Variants in GPI observed in about 807,000 individuals in gnomAD.
GPI encodes glucose-6-phosphate isomerase, also known as D-hexose-6-phosphate anomerase.
In GPI, 56 loss-of-function variants were observed where a neutral mutation model predicts 75.8. That is an observed-to-expected ratio of 0.74 (90% CI 0.60 to 0.92). The LOEUF (loss-of-function observed/expected upper bound fraction) is 0.92. Ranked by LOEUF, GPI falls within the 40% of genes least tolerant of loss-of-function variation. The pLI is 0.00. For missense variants in GPI, 638 were observed against 741.0 expected, an observed-to-expected ratio of 0.86 and a Z score of 1.61; for synonymous variants, 288 against 285.4, an observed-to-expected ratio of 1.01 and a Z score of -0.09.
chr19:34,371,776 AC>A (rs1335247854), intron 4 of GPI, among the ~76,000 whole-genome samples: 1 of 150,090 alleles, frequency 6.7e-6, no homozygotes, highest in Non-Finnish European at 1.5e-5. Flanking sequence ...AATCACTTGA[AC>A]CCCAGAGGTG....
chr19:34,399,061 C>T (rs897900243), intron 14 of GPI, 146 bp from the exon 15 acceptor site: 12 of 644,068 alleles, frequency 1.9e-5, no homozygotes, highest in African/African-American at 1.8e-5. Context: ...GTGGTGTCAT[C>T]GGATGTGTCC....
rs1170745718 is a variant in GPI at position 34,365,534 on chromosome 19, C to T, written c.122+146C>T. On this transcript the variant is annotated intron_variant, in intron 1 of 17. Coordinates refer to ENST00000356487, the MANE Select transcript of GPI (RefSeq NM_000175.5). ...CGGACTGGGGCCCAGGCCGAGTCCGCACTTCGTCCTTGGAGTCTCCTTGGA... is the reference window on the plus strand; with the variant it reads ...CGGACTGGGGCCCAGGCCGAGTCCGTACTTCGTCCTTGGAGTCTCCTTGGA... 4 of 1,305,702 alleles carry T rather than the reference C, an allele frequency of 3.1e-6. No individual in the cohort carries two copies. The African/African-American group carries it at 5.9e-5, about 19-fold the overall frequency. The allele number at this position is 1,305,702 out of a possible 1,614,324, so 80.9% of individuals were successfully genotyped here. A position where few individuals can be genotyped will look rare whatever the true frequency, so the allele number is the denominator to read the frequency against.
Position 34,393,309 on chromosome 19 carries a change from G to T in GPI, c.865+1G>T. 1 of 1,611,150 alleles carries T rather than the reference G, an allele frequency of 6.2e-7. No individual in the cohort carries two copies. The highest frequency in any genetic ancestry group is 8.5e-7 in the Non-Finnish European group (1 of 1,177,258). ...GGACTCTCCATTGCCCTGCACGTGG[G>T]TGAGTGTGTTTCTGTGTCTTGCAGC... is the stretch of plus-strand genomic sequence containing the variant. On this transcript the variant is annotated splice_donor_variant, in intron 10 of 17. Transcript: ENST00000356487. LOFTEE classifies it high-confidence loss of function. The surrounding 1 kb of genome is among the most constrained non-coding windows in gnomAD (Gnocchi z 4.4).
intron 14 of GPI, among the ~76,000 whole-genome samples, 174 bp downstream of exon 14, chr19:34,396,831 G>A (rs986467934): frequency 5.3e-5 from 8 of 152,114 alleles, no homozygotes; most frequent in Non-Finnish European, 1.0e-4. Context: ...GGGGAGGGGG[G>A]ACAGAGTCTT....
chr19:34,361,371 C>T (rs1052977940), upstream of GPI, among the ~76,000 whole-genome samples: 5 of 152,028 alleles, frequency 3.3e-5, no homozygotes, highest in African/African-American at 4.8e-5. Flanking sequence ...GGATTACAGG[C>T]GTGAGCCACC....
At position 34,399,235 on chromosome 19, in the gene GPI, CAG is replaced by C. The variant is rs1365698035; in HGVS notation, c.1301_1302del (p.Glu434GlyfsTer26). ...CTCCTGGCCAACTTCTTGGCCCAGA[CAG>C]AGGCCCTGATGAGGGGAAAATCGAC... On this transcript the variant is annotated frameshift_variant, in exon 15 of 18. Coordinates refer to ENST00000356487, the MANE Select transcript of GPI (RefSeq NM_000175.5). LOFTEE classifies it high-confidence loss of function. The C allele has an allele frequency of 2.5e-6, 4 of 1,613,516 alleles. No individual in the cohort carries two copies. The highest frequency in any genetic ancestry group is 3.4e-6 in the Non-Finnish European group (4 of 1,179,926).
In GPI at chr19:34,379,548, C is replaced by G; in HGVS notation, c.736C>G (p.Leu246Val). The G allele has an allele frequency of 6.2e-7, 1 of 1,613,920 alleles. No individual in the cohort carries two copies. Among genetic ancestry groups the G allele is most frequent in the South Asian group, 1.1e-5 (1 of 91,088 alleles). The change falls in exon 8 of 18, where the codon CTG becomes GTG. Residue 246 changes from leucine to valine, a missense_variant. Coordinates refer to ENST00000356487, the MANE Select transcript of GPI (RefSeq NM_000175.5). ...TGCAGTGGCGAAGCACTTTGTTGCC[C>G]TGTCTACTAACACAGTAAGTGCCCC... ...PSAVAKHFVA[L>V]STNTTKVKEF... is the part of the protein sequence containing the mutation.
At chr19:34,366,563 G>A (rs1006373353) in intron 2 of GPI, 128 bp downstream of exon 2, 2 of 789,282 alleles carry the variant, frequency 2.5e-6, no homozygotes, top group African/African-American at 3.4e-5. Context: ...CACCTCCTCT[G>A]TGCTGGTGAG....
Position 34,381,446 on chromosome 19 carries a change from C to T in GPI, c.751-20C>T, listed in dbSNP as rs929174236. ...CAAATGCTTCTTTGCATTTCTCTCCCTTTGTTTTTTTTTTTGTAGACCAAA... is the reference window on the plus strand; with the variant it reads ...CAAATGCTTCTTTGCATTTCTCTCCTTTTGTTTTTTTTTTTGTAGACCAAA... On this transcript the variant is annotated intron_variant, in intron 8 of 17. Coordinates refer to ENST00000356487, the MANE Select transcript of GPI (RefSeq NM_000175.5). 1 of 1,549,000 alleles carries T rather than the reference C, an allele frequency of 6.5e-7. No individual in the cohort carries two copies. The highest frequency in any genetic ancestry group is 2.2e-5 in the East Asian group (1 of 44,574).
chr19:34,360,500 G>A (rs921928935), upstream of GPI, among the ~76,000 whole-genome samples: 4 of 152,260 alleles, frequency 2.6e-5, no homozygotes, highest in African/African-American at 4.8e-5. Flanking sequence ...TCAGGAGACC[G>A]AGGTGAGAGA....
chr19:34,374,892 C>G (rs2074510710), intron 4 of GPI, among the ~76,000 whole-genome samples: 1 of 151,098 alleles, frequency 6.6e-6, no homozygotes, highest in South Asian at 2.1e-4. Context: ...CCATGCCTGG[C>G]TACTTTTTTA....
chr19:34,381,806 G>T (rs1382872829), intron 9 of GPI, among the ~76,000 whole-genome samples: 1 of 152,168 alleles, frequency 6.6e-6, no homozygotes, highest in Non-Finnish European at 1.5e-5. Flanking sequence ...CCCTTGCCAC[G>T]CTCACAGAGT....
intron 8 of GPI, among the ~76,000 whole-genome samples, chr19:34,380,547 G>A (rs919129214): frequency 3.3e-5 from 5 of 152,226 alleles, no homozygotes; most frequent in Non-Finnish European, 2.9e-5. Flanking sequence ...CTACCAAAGT[G>A]TTGGGATTAT....
At chr19:34,385,360 CAAAAAAA>C (rs58133757) in intron 9 of GPI, among the ~76,000 whole-genome samples, 35 of 95,138 alleles carry the variant, frequency 3.7e-4, no homozygotes, top group South Asian at 9.7e-4. Flanking sequence ...AAACAAAAAA[CAAAAAAA>C]AAAAAAAAAG....
upstream of GPI, among the ~76,000 whole-genome samples, chr19:34,361,124 C>T (rs1316427615): frequency 1.3e-5 from 2 of 151,882 alleles, no homozygotes; most frequent in Non-Finnish European, 2.9e-5. Context: ...CAGAGTCTCG[C>T]TCTGTCGCCC....
At position 34,378,972 on chromosome 19, in the gene GPI, G is replaced by A. The variant is rs776702165; in HGVS notation, c.672G>A (p.Thr224=). 1.3e-4 allele frequency: 217 copies of A among 1,614,094 alleles called. No homozygotes were observed. Among genetic ancestry groups the A allele is most frequent in the Middle Eastern group, 1.6e-4 (1 of 6,084 alleles). ...TTQETITNAE[T]AKEWFLQAAK... is the part of the protein sequence containing the mutation. ...AGGAGACCATCACGAATGCAGAGAC[G>A]GCGAAGGAGTGGTTTCTCCAGGCGG... is the stretch of plus-strand genomic sequence containing the variant. Residue 224 remains threonine, a synonymous_variant, in exon 7 of 18, where the codon ACG becomes ACA. Coordinates refer to ENST00000356487, the MANE Select transcript of GPI (RefSeq NM_000175.5).
At position 34,377,534 on chromosome 19, in the gene GPI, C is replaced by T. The variant is rs541725054; in HGVS notation, c.434C>T (p.Thr145Ile). Reference protein sequence around the residue: ...RVRSGDWKGYTGKTITDVINI... With the variant: ...RVRSGDWKGYIGKTITDVINI... The stretch of plus-strand genomic sequence containing the variant: ...CGGAGCGGTGACTGGAAGGGGTACA[C>T]AGGCAAGACCATCACGGACGTCATC... The change falls in exon 5 of 18, where the codon ACA becomes ATA. Residue 145 changes from threonine (T) to isoleucine (I), a missense_variant. By Grantham distance (89) the Thr-to-Ile change is moderately conservative. Transcript: ENST00000356487. 2 of 1,613,044 alleles carry T rather than the reference C, an allele frequency of 1.2e-6. No individual in the cohort carries two copies. Among genetic ancestry groups the T allele is most frequent in the African/African-American group, 1.3e-5 (1 of 74,668 alleles).
chr19:34,388,071 G>A (rs2074764697), intron 9 of GPI, among the ~76,000 whole-genome samples: 1 of 152,216 alleles, frequency 6.6e-6, no homozygotes, highest in South Asian at 2.1e-4. Context: ...GGTCAGGTAT[G>A]ATAGACAGAG....
intron 4 of GPI, among the ~76,000 whole-genome samples, chr19:34,376,523 C>T (rs542504803): frequency 7.4e-5 from 11 of 148,480 alleles, no homozygotes; most frequent in East Asian, 6.0e-4. Flanking sequence ...GAGATCGTGC[C>T]GTTGTACTCC....
Sources: allele counts gnomAD v4.1 joint callset (sites outside exome capture counted in the v4.1 genomes callset), GRCh38; gene constraint gnomAD v4.1.1; non-coding constraint Gnocchi (gnomAD v3.1); transcripts MANE v1.5; gene names NCBI Gene and HGNC (gene_info 2026-07-23, HGNC 2026-07-21).